The following USP8 variants were observed in gnomAD, a reference collection of about 807,000 sequenced individuals.
USP8 encodes ubiquitin specific peptidase 8.
A neutral mutation model predicts 130.0 loss-of-function variants in USP8; 27 were observed. The observed-to-expected ratio is 0.21, with a 90% CI of 0.15 to 0.29. The LOEUF is 0.29. Ranked by LOEUF, USP8 falls within the 10% of genes least tolerant of loss-of-function variation. The pLI is 1.00. For missense variants in USP8, 1,029 were observed against 1,312.2 expected (o/e 0.78, Z 3.33); for synonymous variants, 392 against 444.1 (o/e 0.88, Z 1.48).
intron 4 of USP8, among the ~76,000 whole-genome samples, chr15:50,456,135 TTC>T (rs2050780318): frequency 6.6e-6 from 1 of 152,234 alleles, no homozygotes; most frequent in South Asian, 2.1e-4. Context: ...AGAATTAGAA[TTC>T]TCTTTCCTAC....
rs760800509 is a variant in USP8, at chr15:50,477,349, A to C, written c.1068A>C (p.Ile356=). ...KPAAQTPPAS[I]EVDENIELIS... Reference sequence around the variant, plus strand: ...CTGCCCAGACGCCACCTGCATCTATAGAAGTAGATGAAAATATAGAATTGA... The same window carrying C: ...CTGCCCAGACGCCACCTGCATCTATCGAAGTAGATGAAAATATAGAATTGA... The change falls in exon 10 of 20, where the codon ATA becomes ATC. Residue 356 remains isoleucine, a synonymous_variant. Coordinates refer to ENST00000307179, the MANE Select transcript of USP8 (RefSeq NM_005154.5). 2 of 1,614,146 alleles carry C rather than the reference A, an allele frequency of 1.2e-6. No individual in the cohort carries two copies. The highest frequency in any genetic ancestry group is 3.3e-5 in the Admixed American group (2 of 60,018).
At chr15:50,436,365 T>TA (rs2050091420) in intron 1 of USP8, among the ~76,000 whole-genome samples, 1 of 152,218 alleles carries the variant, frequency 6.6e-6, no homozygotes. Context: ...AAGATCCTTC[T>TA]AGTCATACTT....
chr15:50,495,543 C>T (rs115947305), intron 16 of USP8, among the ~76,000 whole-genome samples: 1,843 of 151,856 alleles, frequency 0.012, 37 homozygotes, highest in African/African-American at 0.043. Context: ...CCCAAGCAGT[C>T]CTCCTGCCTT....
rs140569044 is a variant in USP8 at position 50,428,186 on chromosome 15, G to A, written c.-66+3672G>A. ...AGGCTGGATGCAGTGGCATGATCTCGGCTCACTGCACCCTCCGTCTGATGG... is the reference window on the plus strand; with the variant it reads ...AGGCTGGATGCAGTGGCATGATCTCAGCTCACTGCACCCTCCGTCTGATGG... On this transcript the variant is annotated intron_variant, in intron 1 of 19. Transcript: ENST00000307179. Among the ~76,000 whole-genome samples, 497 of 152,070 alleles carry A rather than the reference G, an allele frequency of 3.3e-3. 5 individuals are homozygous for A. The highest frequency in any genetic ancestry group is 0.012 in the African/African-American group (484 of 41,498).
At chr15:50,482,145 A>G (rs1296818421) in intron 11 of USP8, 80 bp downstream of exon 11, 1 of 1,302,456 alleles carries the variant, frequency 7.7e-7, no homozygotes, top group African/African-American at 1.5e-5. Context: ...GGCATTCCAT[A>G]AAAGGGCAGG....
chr15:50,464,989 G>C (rs879770984), intron 6 of USP8, 58 bp from the exon 7 acceptor site: 11 of 1,586,858 alleles, frequency 6.9e-6, no homozygotes, highest in Non-Finnish European at 9.4e-6. Context: ...TGTGTTTTGT[G>C]ATGTCAGCAC....
intron 7 of USP8, among the ~76,000 whole-genome samples, 186 bp from the exon 8 acceptor site, chr15:50,471,447 A>G (rs1235896436): frequency 6.6e-6 from 1 of 152,236 alleles, no homozygotes; most frequent in Non-Finnish European, 1.5e-5. Flanking sequence ...AATATTATAC[A>G]GTAGTGAAGG....
intron 6 of USP8, among the ~76,000 whole-genome samples, chr15:50,463,147 G>T (rs1425377281): frequency 6.6e-6 from 1 of 152,122 alleles, no homozygotes; most frequent in Non-Finnish European, 1.5e-5. Flanking sequence ...TGCTCAGGAG[G>T]TTGAGGTGGG....
At chr15:50,450,612 C>T (rs1344071703) in intron 4 of USP8, among the ~76,000 whole-genome samples, 1 of 151,902 alleles carries the variant, frequency 6.6e-6, no homozygotes, top group African/African-American at 2.4e-5. Flanking sequence ...GCTGGTATTA[C>T]AGGCATGTGC....
intron 4 of USP8, among the ~76,000 whole-genome samples, chr15:50,449,737 A>G (rs1457786997): frequency 7.1e-6 from 1 of 141,764 alleles, no homozygotes; most frequent in Non-Finnish European, 1.5e-5. Flanking sequence ...ACCCACCACC[A>G]CGCCCGGCTA....
chr15:50,469,539 T>A (rs1231399213), intron 7 of USP8, among the ~76,000 whole-genome samples: 1 of 152,170 alleles, frequency 6.6e-6, no homozygotes, highest in East Asian at 1.9e-4. Context: ...TTCTGATCTG[T>A]GTACATCAGG....
rs568789922 is a variant in USP8 at position 50,452,853 on chromosome 15, G to A, written c.335+3368G>A. The stretch of plus-strand genomic sequence containing the variant: ...AATAAGTTTTTGTGCTATTATTTTC[G>A]TTGTTATTAACAGTGGAAGCATTCT... On this transcript the variant is annotated intron_variant, in intron 4 of 19. Coordinates refer to ENST00000307179, the MANE Select transcript of USP8 (RefSeq NM_005154.5). Among the ~76,000 whole-genome samples, 32 of 152,174 alleles carry A rather than the reference G, an allele frequency of 2.1e-4. 1 individual carries two copies. Among genetic ancestry groups the A allele is most frequent in the African/African-American group, 5.8e-4 (24 of 41,536 alleles).
chr15:50,462,567 G>T (rs1487279451), intron 6 of USP8, among the ~76,000 whole-genome samples: 2 of 152,150 alleles, frequency 1.3e-5, no homozygotes, highest in African/African-American at 4.8e-5. Flanking sequence ...ATATGCAGTT[G>T]AAAAATGTCA....
At chr15:50,467,796 G>T (rs768315328) in intron 7 of USP8, among the ~76,000 whole-genome samples, 1 of 151,856 alleles carries the variant, frequency 6.6e-6, no homozygotes, top group Non-Finnish European at 1.5e-5. Flanking sequence ...GGCTCAAACA[G>T]TCCTCCCACC....
At chr15:50,492,993 T>G (rs1293532993) in intron 15 of USP8, 80 bp downstream of exon 15, 3 of 1,343,856 alleles carry the variant, frequency 2.2e-6, no homozygotes, top group Non-Finnish European at 3.2e-6. Context: ...CCATTAGTTT[T>G]CTGCTGCTAT....
intron 7 of USP8, among the ~76,000 whole-genome samples, chr15:50,471,014 G>A (rs1566867885): frequency 6.6e-6 from 1 of 152,168 alleles, no homozygotes; most frequent in Non-Finnish European, 1.5e-5. Context: ...ATGTACATGA[G>A]CCAGATTGCC....
chr15:50,481,913 G>A lies in USP8; in HGVS notation c.1651G>A (p.Val551Ile). 2.5e-6 allele frequency: 4 copies of A among 1,605,674 alleles called. No individual in the cohort carries two copies. Among genetic ancestry groups the A allele is most frequent in the Non-Finnish European group, 2.5e-6 (3 of 1,177,092 alleles). ...AAAGAGGGGCAAAGAAATAACAGGA[G>A]TAAAAAGACAAAGTAAAAGTGAACA... ...SAKRGKEITGVKRQSKSEHET... is the reference protein window; with the variant it reads ...SAKRGKEITGIKRQSKSEHET... The change falls in exon 11 of 20, where the codon GTA becomes ATA. Residue 551 changes from valine to isoleucine, a missense_variant. Coordinates refer to ENST00000307179, the MANE Select transcript of USP8 (RefSeq NM_005154.5).
rs755904388 is a variant in USP8, at chr15:50,490,428, C to T, written c.2137C>T (p.Leu713=). ...PAERDREPSK[L]KRSYSSPDIT... is the part of the protein sequence containing the mutation. The stretch of plus-strand genomic sequence containing the variant: ...TGAGCGGGATAGGGAACCTTCCAAA[C>T]TGAAGCGCTCCTACTCCTCCCCAGA... Residue 713 remains leucine (L), a synonymous_variant, in exon 14 of 20, where the codon CTG becomes TTG. Coordinates refer to ENST00000307179, the MANE Select transcript of USP8 (RefSeq NM_005154.5). 1.9e-6 allele frequency: 3 copies of T among 1,614,038 alleles called. No individual in the cohort carries two copies. Among genetic ancestry groups the T allele is most frequent in the Admixed American group, 1.7e-5 (1 of 59,994 alleles).
chr15:50,486,128 T>A (rs2051952884), intron 12 of USP8, among the ~76,000 whole-genome samples: 1 of 152,054 alleles, frequency 6.6e-6, no homozygotes, highest in African/African-American at 2.4e-5. Context: ...CTGCTGTATT[T>A]TGCCATTAAA....
Sources: allele counts gnomAD v4.1 joint callset (sites outside exome capture counted in the v4.1 genomes callset), GRCh38; gene constraint gnomAD v4.1.1; transcripts MANE v1.5; gene names NCBI Gene and HGNC (gene_info 2026-07-23, HGNC 2026-07-21).